METTL9: variants seen among roughly 807,000 people sequenced by gnomAD.
The protein encoded by METTL9 is protein-L-histidine N-pros-methyltransferase.
In METTL9, 10 loss-of-function variants were observed where a neutral mutation model predicts 36.0. The observed-to-expected ratio is 0.28, with a 90% CI of 0.17 to 0.47. METTL9 has a LOEUF of 0.47. METTL9 is among the 20% of genes least tolerant of loss of function. The pLI, the probability that METTL9 is intolerant of heterozygous loss-of-function variation, is 0.99. For synonymous variants in METTL9, 175 were observed against 149.7 expected, an observed-to-expected ratio of 1.17 and a Z score of -1.23; for missense variants, 246 against 383.5, an observed-to-expected ratio of 0.64 and a Z score of 3.00.
rs760119916 is a variant in METTL9 at position 21,599,776 on chromosome 16, G to GT, written c.44dup (p.Trp16ValfsTer23). ...CTGGCTGTGCCTGAGCCTGGCGTCC[G>GT]TGTGGCTGGCGCGGAGGATGTGGAC... On this transcript the variant is annotated frameshift_variant, in exon 1 of 5. Coordinates refer to ENST00000358154, the MANE Select transcript of METTL9 (RefSeq NM_016025.5). LOFTEE classifies it high-confidence loss of function. The surrounding 1 kb of genome is among the most constrained non-coding windows in gnomAD (Gnocchi z 4.4). 1.3e-6 allele frequency: 2 copies of GT among 1,545,784 alleles called. No homozygotes were observed. The highest frequency in any genetic ancestry group is 1.7e-6 in the Non-Finnish European group (2 of 1,153,220).
chr16:21,636,482 G>A (rs1203022744), intron 4 of METTL9, among the ~76,000 whole-genome samples: 2 of 152,166 alleles, frequency 1.3e-5, no homozygotes, highest in Non-Finnish European at 2.9e-5. Context: ...GAGGTGAGAG[G>A]AAGTTTGTCT....
intron 1 of METTL9, among the ~76,000 whole-genome samples, chr16:21,603,531 T>G (rs1965193818): frequency 6.6e-6 from 1 of 152,206 alleles, no homozygotes; most frequent in African/African-American, 2.4e-5. Context: ...TAGTAGATAT[T>G]GTCACTTTGC....
At chr16:21,608,728 A>G (rs990042879) in intron 1 of METTL9, among the ~76,000 whole-genome samples, 2 of 152,164 alleles carry the variant, frequency 1.3e-5, no homozygotes, top group South Asian at 2.1e-4. Context: ...GTCAGCCCCT[A>G]TAACAAAGGA....
At chr16:21,652,574 T>A (rs1276905210) in intron 4 of METTL9, 1 of 1,610,728 alleles carries the variant, frequency 6.2e-7, no homozygotes, top group East Asian at 2.2e-5. Flanking sequence ...TGGCGAGCGA[T>A]GTTGCTTCTG....
Position 21,609,534 on chromosome 16 carries a change from A to G in METTL9, c.166-3111A>G, listed in dbSNP as rs557841935. 2.0e-5 allele frequency among the ~76,000 whole-genome samples: 3 copies of G among 152,262 alleles called. No individual in the cohort carries two copies. The South Asian group carries it at 6.2e-4, about 32-fold the overall frequency. On this transcript the variant is annotated intron_variant, in intron 1 of 4. Transcript: ENST00000358154. The stretch of plus-strand genomic sequence containing the variant: ...AGGTATATTTTCCTTTGAAAAGAAA[A>G]TATACCTAGGAAATATTTAGGCTGA...
chr16:21,607,943 G>A (rs146998808), intron 1 of METTL9, among the ~76,000 whole-genome samples: 1,586 of 152,290 alleles, frequency 0.01, 34 homozygotes, highest in African/African-American at 0.037. Flanking sequence ...GAGGTCAGGA[G>A]ATCAAGACCA....
chr16:21,652,879 T>G (rs746954782), intron 4 of METTL9: 2 of 358,548 alleles, frequency 5.6e-6, no homozygotes, highest in Non-Finnish European at 1.0e-5. Flanking sequence ...AGCACATATT[T>G]CCAGGAAGGA....
chr16:21,625,846 A>G (rs567243092), intron 4 of METTL9, among the ~76,000 whole-genome samples: 98 of 152,308 alleles, frequency 6.4e-4, no homozygotes, highest in Middle Eastern at 3.4e-3. Context: ...GTACATTAAT[A>G]TAAAATTATT....
chr16:21,650,697 C>T (rs978573459), intron 4 of METTL9, among the ~76,000 whole-genome samples: 4 of 152,088 alleles, frequency 2.6e-5, no homozygotes, highest in Middle Eastern at 3.2e-3. Flanking sequence ...ATGATTTCCT[C>T]TGTGAGCAGG....
chr16:21,628,479 A>G (rs1965864110), intron 4 of METTL9, among the ~76,000 whole-genome samples: 1 of 151,822 alleles, frequency 6.6e-6, no homozygotes. Context: ...GTCCTCCCCC[A>G]CTTTTTTTTC....
chr16:21,641,544 T>G (rs1210254792), intron 4 of METTL9: 1 of 1,586,386 alleles, frequency 6.3e-7, no homozygotes, highest in Non-Finnish European at 8.6e-7. Context: ...CTATGGCCTT[T>G]CATAGTTGGA....
intron 4 of METTL9, chr16:21,651,799 G>A (rs1051381008): frequency 3.3e-5 from 5 of 151,980 alleles, no homozygotes; most frequent in African/African-American, 1.2e-4. Flanking sequence ...TAAAAGACAG[G>A]AATTCTTCTT....
chr16:21,599,792 G>C lies in METTL9; in HGVS notation c.59G>C (p.Arg20Thr). Residue 20 changes from arginine (R) to threonine (T), a missense_variant, in exon 1 of 5, where the codon AGG (arginine) becomes ACG (threonine). Transcript: ENST00000358154. The surrounding 1 kb of genome is among the most constrained non-coding windows in gnomAD (Gnocchi z 4.4). ...LSLASVWLAR[R>T]MWTLRSPLTR... ...CTGGCGTCCGTGTGGCTGGCGCGGAGGATGTGGACGCTGCGGAGCCCGCTC... is the reference window on the plus strand; with the variant it reads ...CTGGCGTCCGTGTGGCTGGCGCGGACGATGTGGACGCTGCGGAGCCCGCTC... 1 of 1,549,730 alleles carries C rather than the reference G, an allele frequency of 6.5e-7. No individual in the cohort carries two copies.
rs3046231 is a variant in METTL9 at position 21,605,257 on chromosome 16, CTTTTTTTTTTTTTTTTTTTTTTT to C, written c.165+5376_165+5398del. On this transcript the variant is annotated intron_variant, in intron 1 of 4. Transcript: ENST00000358154. ...GGGGTGGTAAAAATAGGCTTGCCTT[CTTTTTTTTTTTTTTTTTTTTTTT>C]TTTTTTTTTTTTTTTTGAGAAACAA... Among the ~76,000 whole-genome samples, 155 of 51,248 alleles carry C rather than the reference CTTTTTTTTTTTTTTTTTTTTTTT, an allele frequency of 3.0e-3. 1 individual carries two copies. Among genetic ancestry groups the C allele is most frequent in the African/African-American group, 6.6e-3 (103 of 15,576 alleles). The allele number at this position is 51,248 out of a possible 152,430, so 33.6% of individuals were successfully genotyped here. A position where few individuals can be genotyped will look rare whatever the true frequency, so the allele number is the denominator to read the frequency against.
chr16:21,646,245 G>A (rs976204417), intron 4 of METTL9: 3 of 151,778 alleles, frequency 2.0e-5, no homozygotes, highest in African/African-American at 7.3e-5. Context: ...TATGTTTGAT[G>A]TCCTCGCTCG....
At chr16:21,648,999 T>G (rs1245228132) in intron 4 of METTL9, among the ~76,000 whole-genome samples, 1 of 152,124 alleles carries the variant, frequency 6.6e-6, no homozygotes, top group Non-Finnish European at 1.5e-5. Context: ...TGTTTTCATT[T>G]TTGTTATTGT....
chr16:21,614,210 T>C (rs1353668190), intron 2 of METTL9, among the ~76,000 whole-genome samples: 2 of 152,220 alleles, frequency 1.3e-5, no homozygotes, highest in East Asian at 1.9e-4. Context: ...ATTGGTTATA[T>C]TGAATTTCTG....
At chr16:21,631,869 T>C (rs1162510505) in intron 4 of METTL9, among the ~76,000 whole-genome samples, 1 of 152,112 alleles carries the variant, frequency 6.6e-6, no homozygotes, top group Admixed American at 6.6e-5. Context: ...TTTAAAGGAA[T>C]AGGGTACACT....
chr16:21,651,076 A>G (rs929072560), intron 4 of METTL9, among the ~76,000 whole-genome samples: 1 of 152,090 alleles, frequency 6.6e-6, no homozygotes, highest in Admixed American at 6.5e-5. Context: ...ACAAAAAATT[A>G]GCCGGGTGTG....
Sources: allele counts gnomAD v4.1 joint callset (sites outside exome capture counted in the v4.1 genomes callset), GRCh38; gene constraint gnomAD v4.1.1; non-coding constraint Gnocchi (gnomAD v3.1); transcripts MANE v1.5; gene names NCBI Gene and HGNC (gene_info 2026-07-23, HGNC 2026-07-21).